Variants in HOMER1 observed in about 807,000 individuals in gnomAD.
HOMER1 encodes the protein homer protein homolog 1.
A neutral mutation model predicts 48.9 loss-of-function variants in HOMER1; 3 were observed. That is an observed-to-expected ratio of 0.06 (90% CI 0.03 to 0.16). HOMER1 has a LOEUF of 0.16. HOMER1 is among the 10% of genes least tolerant of loss of function. The pLI, the probability that HOMER1 is intolerant of heterozygous loss-of-function variation, is 1.00. For missense variants in HOMER1, 247 were observed against 411.4 expected, an observed-to-expected ratio of 0.60 and a Z score of 3.46; for synonymous variants, 134 against 146.4, an observed-to-expected ratio of 0.92 and a Z score of 0.61.
chr5:79,511,680 C>G (rs1020195961), intron 1 of HOMER1, among the ~76,000 whole-genome samples: 7 of 152,160 alleles, frequency 4.6e-5, no homozygotes, highest in African/African-American at 1.7e-4. Context: ...TTCTGAGGAA[C>G]GTCTCCTACA....
intron 3 of HOMER1, among the ~76,000 whole-genome samples, chr5:79,448,690 T>C (rs1750952026): frequency 6.6e-6 from 1 of 152,216 alleles, no homozygotes; most frequent in South Asian, 2.1e-4. Context: ...GCTTTGTTTA[T>C]GTAAAATATT....
At chr5:79,427,401 G>C (rs1436535748) in intron 5 of HOMER1, among the ~76,000 whole-genome samples, 1 of 151,814 alleles carries the variant, frequency 6.6e-6, no homozygotes, top group Non-Finnish European at 1.5e-5. Context: ...TTTTTTGGTT[G>C]TTTTTGGGGC....
chr5:79,413,999 C>A (rs1168839433), intron 5 of HOMER1, among the ~76,000 whole-genome samples: 1 of 152,118 alleles, frequency 6.6e-6, no homozygotes, highest in Non-Finnish European at 1.5e-5. Flanking sequence ...CTGAAAGTCT[C>A]CATTTGTCAG....
At chr5:79,465,652 G>A (rs1189340750) in intron 1 of HOMER1, among the ~76,000 whole-genome samples, 2 of 133,346 alleles carry the variant, frequency 1.5e-5, no homozygotes, top group Non-Finnish European at 3.0e-5. Flanking sequence ...GAGTGCAGTG[G>A]TGCAATCTTG....
At chr5:79,443,600 C>T (rs2112282505) in intron 4 of HOMER1, among the ~76,000 whole-genome samples, 1 of 152,314 alleles carries the variant, frequency 6.6e-6, no homozygotes, top group Non-Finnish European at 1.5e-5. Flanking sequence ...TCATCCTCCC[C>T]ATTACAACCA....
chr5:79,508,834 A>T (rs965484501), intron 1 of HOMER1, among the ~76,000 whole-genome samples: 3 of 152,202 alleles, frequency 2.0e-5, no homozygotes, highest in African/African-American at 7.2e-5. Flanking sequence ...TGTCTGCCCA[A>T]CTTCCAAAGT....
At position 79,375,757 on chromosome 5, in the gene HOMER1, C is replaced by T. The variant is rs993065937; in HGVS notation, c.*252G>A. 1.5e-5 allele frequency: 5 copies of T among 323,152 alleles called. No individual in the cohort carries two copies. The highest frequency in any genetic ancestry group is 2.8e-5 in the Non-Finnish European group (5 of 179,096). 20.0% of individuals were successfully genotyped at this position (323,152 alleles called of 1,614,324 possible). Reference sequence around the variant, plus strand: ...TGTCTATTTATAACTTTCTAGTTAACTATGGCCAATAATATACATGGAGGT... The same window carrying T: ...TGTCTATTTATAACTTTCTAGTTAATTATGGCCAATAATATACATGGAGGT... On this transcript the variant is annotated 3_prime_UTR_variant, in exon 9 of 9. Transcript: ENST00000334082.
intron 5 of HOMER1, among the ~76,000 whole-genome samples, chr5:79,406,346 T>G (rs1016426206): frequency 3.3e-5 from 5 of 152,218 alleles, no homozygotes; most frequent in African/African-American, 1.2e-4. Flanking sequence ...ATTTTCTACC[T>G]GTATCAAGAA....
At chr5:79,476,598 A>G (rs1202662979) in intron 1 of HOMER1, among the ~76,000 whole-genome samples, 2 of 152,182 alleles carry the variant, frequency 1.3e-5, no homozygotes, top group Non-Finnish European at 2.9e-5. Flanking sequence ...AACTCAGGAA[A>G]ACACTTAAGT....
intron 5 of HOMER1, among the ~76,000 whole-genome samples, chr5:79,407,334 CCTCA>C (rs966169846): frequency 1.1e-4 from 16 of 151,900 alleles, no homozygotes; most frequent in African/African-American, 3.9e-4. Flanking sequence ...AAAAAACACT[CCTCA>C]CTGTCAAGAA....
chr5:79,475,711 T>C (rs1168712095), intron 1 of HOMER1, among the ~76,000 whole-genome samples: 1 of 152,168 alleles, frequency 6.6e-6, no homozygotes, highest in African/African-American at 2.4e-5. Context: ...AAAATACAGA[T>C]TATTTTCCCT....
At chr5:79,462,144 A>T (rs1751334794) in intron 1 of HOMER1, among the ~76,000 whole-genome samples, 1 of 152,182 alleles carries the variant, frequency 6.6e-6, no homozygotes, top group African/African-American at 2.4e-5. Context: ...GGTTGCAGTG[A>T]GCCAAGATCA....
intron 5 of HOMER1, among the ~76,000 whole-genome samples, chr5:79,437,773 C>A (rs530236986): frequency 6.6e-6 from 1 of 152,292 alleles, no homozygotes; most frequent in South Asian, 2.1e-4. Flanking sequence ...CTTCCTCAGC[C>A]TCCCAAGTAG....
chr5:79,382,348 T>C (rs1749004629), intron 8 of HOMER1, among the ~76,000 whole-genome samples: 1 of 152,106 alleles, frequency 6.6e-6, no homozygotes, highest in Non-Finnish European at 1.5e-5. Context: ...GAAGGTCTTC[T>C]CCATGGCACA....
chr5:79,468,005 C>T (rs1301383402), intron 1 of HOMER1, among the ~76,000 whole-genome samples: 1 of 152,112 alleles, frequency 6.6e-6, no homozygotes, highest in Non-Finnish European at 1.5e-5. Flanking sequence ...AACTCCTGGG[C>T]TCATGCGATC....
chr5:79,504,918 A>G (rs1156729396), intron 1 of HOMER1, among the ~76,000 whole-genome samples: 1 of 152,202 alleles, frequency 6.6e-6, no homozygotes, highest in Admixed American at 6.5e-5. Flanking sequence ...TGGGTTAGGA[A>G]GCACAGCGTA....
chr5:79,480,194 A>C (rs905361857), intron 1 of HOMER1, among the ~76,000 whole-genome samples: 10 of 152,220 alleles, frequency 6.6e-5, no homozygotes, highest in African/African-American at 2.2e-4. Flanking sequence ...ATAAAACAAC[A>C]ACAGAAGAAG....
chr5:79,401,761 G>T, intron 6 of HOMER1, 138 bp downstream of exon 6: 1 of 767,788 alleles, frequency 1.3e-6, no homozygotes, highest in Non-Finnish European at 2.1e-6. Context: ...TCAAACAAAT[G>T]CATATCATAC....
chr5:79,408,545 TA>T (rs1408479816), intron 5 of HOMER1, among the ~76,000 whole-genome samples: 4 of 152,158 alleles, frequency 2.6e-5, no homozygotes, highest in Admixed American at 2.0e-4. Context: ...CAAATGGTGC[TA>T]AAACAATTGG....
Sources: gnomAD v4.1 joint callset for allele counts (sites outside exome capture counted in the v4.1 genomes callset) on GRCh38, gnomAD v4.1.1 for gene constraint, MANE v1.5 for transcripts, NCBI Gene and HGNC (gene_info 2026-07-23, HGNC 2026-07-21) for gene names.